GLIS3: variants seen among roughly 807,000 people sequenced by gnomAD.
GLIS3 encodes zinc finger protein GLIS3.
GLIS3 carries 53 observed loss-of-function variants against 78.6 expected under a neutral mutation model. The observed-to-expected ratio is 0.67, with a 90% CI of 0.54 to 0.85. GLIS3 has a LOEUF of 0.85. Ranked by LOEUF, GLIS3 falls within the 40% of genes least tolerant of loss-of-function variation. The probability of loss-of-function intolerance (pLI) is 0.00; values close to 1 mark genes in which losing one functional copy is unlikely to be tolerated. For missense variants in GLIS3, 1,703 were observed against 1,231.1 expected, an observed-to-expected ratio of 1.38 and a Z score of -5.74; for synonymous variants, 684 against 509.9, an observed-to-expected ratio of 1.34 and a Z score of -4.60.
At chr9:4,467,486 C>G in the GLIS3 span, among the ~76,000 whole-genome samples, 1 of 152,202 alleles carries the variant, frequency 6.6e-6, no homozygotes, top group Admixed American at 6.5e-5. Flanking sequence ...ATTTGCTGTT[C>G]CGCAGCCTCC....
chr9:3,880,385 C>G (rs1267772217), intron 7 of GLIS3, among the ~76,000 whole-genome samples: 1 of 152,168 alleles, frequency 6.6e-6, no homozygotes, highest in Non-Finnish European at 1.5e-5. Context: ...ACAGAAGAAA[C>G]TGGGGCTTGT....
At chr9:4,269,902 A>G (rs1241796863) in intron 2 of GLIS3, among the ~76,000 whole-genome samples, 1 of 149,478 alleles carries the variant, frequency 6.7e-6, no homozygotes, top group African/African-American at 2.6e-5. Flanking sequence ...AAACAAGCCC[A>G]AACAGAGTAC....
At chr9:3,906,011 T>C (rs1378732217) in intron 6 of GLIS3, among the ~76,000 whole-genome samples, 1 of 152,104 alleles carries the variant, frequency 6.6e-6, no homozygotes, top group Non-Finnish European at 1.5e-5. Flanking sequence ...TGGAGCAAGA[T>C]ATGGAGAAAG....
upstream of GLIS3, among the ~76,000 whole-genome samples, chr9:4,302,414 T>A (rs2130492930): frequency 6.6e-6 from 1 of 152,280 alleles, no homozygotes; most frequent in Non-Finnish European, 1.5e-5. Context: ...AGAGAAATAT[T>A]CAGTGAGTAC....
rs886787500 is a variant in GLIS3, at chr9:3,825,651, A to G, written c.*2621T>C. 9 of 152,214 alleles carry G rather than the reference A, an allele frequency of 5.9e-5. No individual in the cohort carries two copies. Among genetic ancestry groups the G allele is most frequent in the African/African-American group, 2.2e-4 (9 of 41,444 alleles). The allele number at this position is 152,214 out of a possible 1,614,324, so 9.4% of individuals were successfully genotyped here. A position where few individuals can be genotyped will look rare whatever the true frequency, so the allele number is the denominator to read the frequency against. On this transcript the variant is annotated 3_prime_UTR_variant, in exon 11 of 11. Transcript: ENST00000381971. ...TGCAAAAATAATGATGAATATATAT[A>G]TAAATCTTCTGCAGTGTGAAAGTAA...
intron 8 of GLIS3, among the ~76,000 whole-genome samples, chr9:3,873,367 C>G (rs937636351): frequency 6.6e-6 from 1 of 152,102 alleles, no homozygotes; most frequent in Non-Finnish European, 1.5e-5. Context: ...AAACCAAACC[C>G]AACAGGACAA....
At chr9:4,133,825 T>TACACACACACACACAC (rs138728219) in intron 2 of GLIS3, among the ~76,000 whole-genome samples, 56 of 121,796 alleles carry the variant, frequency 4.6e-4, no homozygotes, top group Middle Eastern at 4.1e-3. Context: ...CAAGACCTTC[T>TACACACACACACACAC]ACACACACAC....
At chr9:4,003,380 A>G (rs1330850712) in intron 4 of GLIS3, among the ~76,000 whole-genome samples, 2 of 152,200 alleles carry the variant, frequency 1.3e-5, no homozygotes, top group African/African-American at 4.8e-5. Context: ...TAGAGGTAGG[A>G]GACAGAATAG....
At chr9:4,317,323 G>C (rs756581954) in intron 2 of GLIS3, among the ~76,000 whole-genome samples, 1 of 152,134 alleles carries the variant, frequency 6.6e-6, no homozygotes, top group Non-Finnish European at 1.5e-5. Flanking sequence ...AAATCTTCCA[G>C]AGAGTTTTTT....
the GLIS3 span, among the ~76,000 whole-genome samples, chr9:4,478,583 C>G: frequency 2.0e-5 from 3 of 151,386 alleles, no homozygotes; most frequent in African/African-American, 7.3e-5. Flanking sequence ...TGCATTCCAG[C>G]CTGGGCGACA....
chr9:4,291,871 A>T (rs1816009782), intron 1 of GLIS3, among the ~76,000 whole-genome samples: 1 of 152,144 alleles, frequency 6.6e-6, no homozygotes, highest in African/African-American at 2.4e-5. Flanking sequence ...TAGTTTACTA[A>T]ATGTCACTAC....
chr9:4,385,533 T>C, the GLIS3 span, among the ~76,000 whole-genome samples: 6 of 151,734 alleles, frequency 4.0e-5, no homozygotes, highest in Non-Finnish European at 1.5e-5. Flanking sequence ...GGTGTAGTGA[T>C]GGGCACCTGT....
the GLIS3 span, among the ~76,000 whole-genome samples, chr9:4,413,474 G>A: frequency 5.3e-5 from 8 of 152,210 alleles, 1 homozygote; most frequent in South Asian, 1.2e-3. Context: ...TTTGAACTCT[G>A]GTTATTTTTC....
chr9:4,038,836 T>C (rs1056470155), intron 4 of GLIS3, among the ~76,000 whole-genome samples: 4 of 152,194 alleles, frequency 2.6e-5, no homozygotes, highest in Non-Finnish European at 5.9e-5. Flanking sequence ...TGCATTCAAG[T>C]ATCCCTGTCT....
At chr9:4,240,111 A>G (rs1324956790) in intron 2 of GLIS3, among the ~76,000 whole-genome samples, 1 of 146,522 alleles carries the variant, frequency 6.8e-6, no homozygotes, top group Non-Finnish European at 1.5e-5. Context: ...CAATTAATTC[A>G]CCATCTAAAG....
chr9:4,058,465 T>C (rs1826330528), intron 4 of GLIS3, among the ~76,000 whole-genome samples: 1 of 152,072 alleles, frequency 6.6e-6, no homozygotes. Flanking sequence ...AAAAAACAGT[T>C]CCCATCTCTT....
intron 2 of GLIS3, among the ~76,000 whole-genome samples, chr9:4,237,317 T>A (rs1213221507): frequency 1.3e-5 from 2 of 152,022 alleles, no homozygotes; most frequent in African/African-American, 4.8e-5. Flanking sequence ...GCCACAAAAA[T>A]GATGACACAA....
At chr9:4,367,879 C>T in the GLIS3 span, among the ~76,000 whole-genome samples, 20 of 152,196 alleles carry the variant, frequency 1.3e-4, no homozygotes, top group South Asian at 1.5e-3. Context: ...TTTAATACAA[C>T]GAGGGAAAAT....
At chr9:4,137,038 G>A (rs1376960701) in intron 2 of GLIS3, among the ~76,000 whole-genome samples, 1 of 152,188 alleles carries the variant, frequency 6.6e-6, no homozygotes, top group African/African-American at 2.4e-5. Flanking sequence ...TGGAAGAGAT[G>A]GGGAGAAAGG....
Sources: gnomAD v4.1 joint callset for allele counts (sites outside exome capture counted in the v4.1 genomes callset) on GRCh38, gnomAD v4.1.1 for gene constraint, MANE v1.5 for transcripts, NCBI Gene and HGNC (gene_info 2026-07-23, HGNC 2026-07-21) for gene names.